The following RAPGEF4 variants were observed in gnomAD, a reference collection of about 807,000 sequenced individuals.
RAPGEF4 encodes Rap guanine nucleotide exchange factor 4, also known as RAP guanine-nucleotide-exchange factor (GEF) 4.
In RAPGEF4, 66 loss-of-function variants were observed where a neutral mutation model predicts 147.9. The observed-to-expected ratio is 0.45, with a 90% CI of 0.37 to 0.55. The LOEUF (loss-of-function observed/expected upper bound fraction) is 0.55. RAPGEF4 is among the 20% of genes least tolerant of loss of function. The pLI, the probability that RAPGEF4 is intolerant of heterozygous loss-of-function variation, is 0.00. For missense variants in RAPGEF4, 1,071 were observed against 1,257.3 expected (o/e 0.85, Z 2.24); for synonymous variants, 419 against 442.7 (o/e 0.95, Z 0.67).
chr2:172,874,463 T>C (rs1473184354), intron 4 of RAPGEF4, among the ~76,000 whole-genome samples: 1 of 152,166 alleles, frequency 6.6e-6, no homozygotes, highest in East Asian at 1.9e-4. Context: ...GTGTTCTCAT[T>C]GTTCAATTCC....
chr2:172,858,090 T>C (rs1693647368), intron 4 of RAPGEF4, among the ~76,000 whole-genome samples: 1 of 152,180 alleles, frequency 6.6e-6, no homozygotes, highest in African/African-American at 2.4e-5. Flanking sequence ...TAGTAAACTT[T>C]TAAAAATGTA....
At chr2:172,990,593 T>C (rs1692732281) in intron 14 of RAPGEF4, among the ~76,000 whole-genome samples, 1 of 152,216 alleles carries the variant, frequency 6.6e-6, no homozygotes, top group Non-Finnish European at 1.5e-5. Flanking sequence ...TCTGCTGTTT[T>C]TCTGAAGCTA....
chr2:172,774,742 A>G (rs1037061274), intron 1 of RAPGEF4, among the ~76,000 whole-genome samples: 1 of 152,204 alleles, frequency 6.6e-6, no homozygotes, highest in Non-Finnish European at 1.5e-5. Flanking sequence ...GCCATCATGT[A>G]GATATATGTC....
intron 6 of RAPGEF4, among the ~76,000 whole-genome samples, chr2:172,946,697 C>T (rs916677365): frequency 1.3e-5 from 2 of 152,190 alleles, no homozygotes; most frequent in East Asian, 3.8e-4. Context: ...CCCTGGACAA[C>T]TGTTGCTCTT....
At chr2:172,985,321 C>A in intron 11 of RAPGEF4, 112 bp from the exon 12 acceptor site, 2 of 1,446,102 alleles carry the variant, frequency 1.4e-6, no homozygotes, top group Non-Finnish European at 1.9e-6. Flanking sequence ...TGAGAGATGA[C>A]TGCATGGGAA....
chr2:172,985,838 C>A (rs1692192784), intron 12 of RAPGEF4, among the ~76,000 whole-genome samples: 1 of 152,176 alleles, frequency 6.6e-6, no homozygotes, highest in African/African-American at 2.4e-5. Flanking sequence ...CCAGTGACCT[C>A]ATTTCGTTCA....
chr2:172,981,531 T>G (rs55667313), intron 10 of RAPGEF4, among the ~76,000 whole-genome samples: 11,116 of 152,284 alleles, frequency 0.073, 598 homozygotes, highest in South Asian at 0.16. Context: ...TTGGTGTGCA[T>G]TTGTGTCCCT....
intron 4 of RAPGEF4, among the ~76,000 whole-genome samples, chr2:172,878,275 T>C (rs545246073): frequency 6.6e-6 from 1 of 152,348 alleles, no homozygotes; most frequent in South Asian, 2.1e-4. Context: ...CTAATCATTC[T>C]CTTCTATCTT....
chr2:173,034,382 G>A (rs1683641200), intron 27 of RAPGEF4, among the ~76,000 whole-genome samples: 1 of 152,210 alleles, frequency 6.6e-6, no homozygotes, highest in South Asian at 2.1e-4. Flanking sequence ...GGGATCGGCT[G>A]TGCAGGGCAG....
intron 4 of RAPGEF4, among the ~76,000 whole-genome samples, chr2:172,881,290 A>G (rs546025748): frequency 2.0e-5 from 3 of 152,200 alleles, no homozygotes; most frequent in Non-Finnish European, 4.4e-5. Flanking sequence ...GAATCAGACT[A>G]CCAAGTATGT....
rs201027857 is a variant in RAPGEF4 at position 173,036,221 on chromosome 2, A to G, written c.2788+9A>G. The G allele has an allele frequency of 1.0e-3, 1,579 of 1,579,714 alleles. No individual in the cohort carries two copies. Among genetic ancestry groups the G allele is most frequent in the Non-Finnish European group, 1.3e-3 (1,501 of 1,149,574 alleles). On this transcript the variant is annotated intron_variant, in intron 28 of 30. Coordinates refer to ENST00000397081, the MANE Select transcript of RAPGEF4 (RefSeq NM_007023.4). ...GCCTTTGCTCATTAAAGGTAATCCT[A>G]ATAAGATGCACAGGCCAAGCAGGTG...
intron 4 of RAPGEF4, among the ~76,000 whole-genome samples, chr2:172,831,294 GT>G (rs1487353225): frequency 6.8e-5 from 1 of 14,696 alleles, no homozygotes; most frequent in Non-Finnish European, 1.7e-4. Context: ...TTGAGACAGA[GT>G]TTTGCTCTTG....
intron 4 of RAPGEF4, among the ~76,000 whole-genome samples, chr2:172,817,648 A>T (rs1688633930): frequency 6.6e-6 from 1 of 152,152 alleles, no homozygotes; most frequent in South Asian, 2.1e-4. Flanking sequence ...TGGGAATGTA[A>T]ACTAGTGCAA....
chr2:173,024,389 T>C lies in RAPGEF4; in HGVS notation c.2254-2183T>C, dbSNP rs1041876096. Among the ~76,000 whole-genome samples, 123 of 149,372 alleles carry C rather than the reference T, an allele frequency of 8.2e-4. 6 individuals are homozygous for C. The highest frequency in any genetic ancestry group is 2.2e-4 in the Non-Finnish European group (15 of 67,042). ...CCCGCCACTACGCCCGGCTAATTTT[T>C]TGTATTTTTAGTAGAGACGGGGTTT... On this transcript the variant is annotated intron_variant, in intron 23 of 30. Coordinates refer to ENST00000397081, the MANE Select transcript of RAPGEF4 (RefSeq NM_007023.4).
chr2:172,889,160 C>T (rs1697591065), intron 4 of RAPGEF4, among the ~76,000 whole-genome samples: 1 of 152,104 alleles, frequency 6.6e-6, no homozygotes, highest in Non-Finnish European at 1.5e-5. Flanking sequence ...ACTAGAACCT[C>T]CCTTTTAATA....
intron 1 of RAPGEF4, among the ~76,000 whole-genome samples, chr2:172,794,227 A>C (rs1250150360): frequency 6.6e-6 from 1 of 151,910 alleles, no homozygotes; most frequent in Non-Finnish European, 1.5e-5. Context: ...AAAATACAAA[A>C]AATTAGTTGG....
Position 172,983,529 on chromosome 2 carries a change from T to TATC in RAPGEF4, c.1039_1041dup (p.Ile347dup), listed in dbSNP as rs1691912745. 6.2e-7 allele frequency: 1 copy of TATC among 1,613,482 alleles called. No individual in the cohort carries two copies. Among genetic ancestry groups the TATC allele is most frequent in the Admixed American group, 1.7e-5 (1 of 59,962 alleles). ...AGAGGACTGTGGATGACCTAGAGAT[T>TATC]ATCTATGAGGAGCTTCTTCATATTA... On this transcript the variant is annotated inframe_insertion, in exon 11 of 31. Coordinates refer to ENST00000397081, the MANE Select transcript of RAPGEF4 (RefSeq NM_007023.4).
At chr2:172,812,599 A>G (rs1448760348) in intron 3 of RAPGEF4, among the ~76,000 whole-genome samples, 1 of 152,228 alleles carries the variant, frequency 6.6e-6, no homozygotes, top group African/African-American at 2.4e-5. Flanking sequence ...TGATTAATCC[A>G]TAAACTGTAC....
intron 17 of RAPGEF4, among the ~76,000 whole-genome samples, chr2:173,014,166 C>G (rs1204624917): frequency 5.3e-5 from 8 of 152,114 alleles, no homozygotes; most frequent in Admixed American, 6.5e-5. Flanking sequence ...CAGATCCTGG[C>G]AGAGAATGAC....
Sources: allele counts gnomAD v4.1 joint callset (sites outside exome capture counted in the v4.1 genomes callset), GRCh38; gene constraint gnomAD v4.1.1; transcripts MANE v1.5; gene names NCBI Gene and HGNC (gene_info 2026-07-23, HGNC 2026-07-21).